The following ADAMTSL1 variants were observed in gnomAD, a reference collection of about 807,000 sequenced individuals.
The protein encoded by ADAMTSL1 is ADAMTS-like protein 1.
A neutral mutation model predicts 201.8 loss-of-function variants in ADAMTSL1; 126 were observed. The ratio of observed to expected loss-of-function variants is 0.62; its 90% CI spans 0.54 to 0.72. The LOEUF (loss-of-function observed/expected upper bound fraction) is 0.72, where lower values mean the gene tolerates loss of function less well. Among genes scored for constraint, ADAMTSL1 ranks in the 30% least tolerant of loss-of-function variants. ADAMTSL1 has a pLI of 0.00. For synonymous variants in ADAMTSL1, 1,121 were observed against 903.4 expected (o/e 1.24, Z -4.32); for missense variants, 2,679 against 2,277.8 (o/e 1.18, Z -3.59).
At chr9:18,562,730 C>G (rs907504499) in intron 3 of ADAMTSL1, among the ~76,000 whole-genome samples, 2 of 152,060 alleles carry the variant, frequency 1.3e-5, no homozygotes, top group Non-Finnish European at 2.9e-5. Context: ...ATTCTTTTTT[C>G]TCTAATCTTG....
chr9:18,113,031 A>G (rs1825097838), intron 1 of ADAMTSL1, among the ~76,000 whole-genome samples: 1 of 152,118 alleles, frequency 6.6e-6, no homozygotes, highest in Non-Finnish European at 1.5e-5. Context: ...ACTGGCTTTA[A>G]AAAAGGGAGT....
At chr9:18,389,597 A>C (rs1489693974) in intron 2 of ADAMTSL1, among the ~76,000 whole-genome samples, 1 of 152,172 alleles carries the variant, frequency 6.6e-6, no homozygotes, top group Non-Finnish European at 1.5e-5. Context: ...ATAGATCCTA[A>C]GTGTGGAGAG....
intron 2 of ADAMTSL1, among the ~76,000 whole-genome samples, chr9:18,235,520 G>A (rs796258273): frequency 1.3e-5 from 2 of 152,106 alleles, no homozygotes; most frequent in South Asian, 4.1e-4. Flanking sequence ...GAGCTGCCCT[G>A]CTATACCTAC....
intron 20 of ADAMTSL1, among the ~76,000 whole-genome samples, chr9:18,812,417 C>T (rs1049685868): frequency 1.3e-5 from 2 of 152,156 alleles, no homozygotes; most frequent in African/African-American, 4.8e-5. Context: ...TGACCTCTCA[C>T]ATCTTACATA....
In ADAMTSL1 at chr9:18,706,828, C is replaced by T; in HGVS notation, c.1656C>T (p.Leu552=). The part of the protein sequence containing the change: ...TQVRIVRCQV[L]LSFSQSVADL... ...TGCGAATAGTCAGGTGCCAGGTGCT[C>T]CTGTCTTTCTCTCAGTCCGTGGCTG... The change falls in exon 14 of 29, where the codon CTC becomes CTT. Residue 552 remains leucine (L), a synonymous_variant. Transcript: ENST00000380548. The T allele has an allele frequency of 1.2e-6, 2 of 1,611,750 alleles. No individual in the cohort carries two copies. The highest frequency in any genetic ancestry group is 1.7e-6 in the Non-Finnish European group (2 of 1,178,878).
chr9:18,092,897 C>A (rs7046806), intron 1 of ADAMTSL1, among the ~76,000 whole-genome samples: 3 of 152,126 alleles, frequency 2.0e-5, no homozygotes, highest in East Asian at 3.9e-4. Context: ...AAAAGGCAGA[C>A]TTCATTTACA....
At chr9:18,644,491 C>T (rs1394222980) in intron 7 of ADAMTSL1, among the ~76,000 whole-genome samples, 2 of 151,900 alleles carry the variant, frequency 1.3e-5, no homozygotes, top group Non-Finnish European at 2.9e-5. Context: ...CACCCATTAA[C>T]TTGTCATTTG....
At chr9:18,569,434 C>G (rs1413693316) in intron 3 of ADAMTSL1, among the ~76,000 whole-genome samples, 1 of 152,076 alleles carries the variant, frequency 6.6e-6, no homozygotes, top group African/African-American at 2.4e-5. Context: ...AGAAAATAGA[C>G]TTTTATAGTG....
At chr9:18,727,962 C>A (rs1817990451) in intron 15 of ADAMTSL1, among the ~76,000 whole-genome samples, 1 of 151,976 alleles carries the variant, frequency 6.6e-6, no homozygotes, top group African/African-American at 2.4e-5. Flanking sequence ...CCCCTGTAAC[C>A]CCAGCTACTC....
At chr9:18,745,652 A>G (rs1819099844) in intron 15 of ADAMTSL1, among the ~76,000 whole-genome samples, 2 of 152,180 alleles carry the variant, frequency 1.3e-5, no homozygotes, top group South Asian at 2.1e-4. Flanking sequence ...GAAATACTGT[A>G]CACATATATG....
intron 19 of ADAMTSL1, among the ~76,000 whole-genome samples, chr9:18,781,756 C>T (rs1345937329): frequency 6.6e-6 from 1 of 152,186 alleles, no homozygotes; most frequent in Non-Finnish European, 1.5e-5. Context: ...CAAGATTCAG[C>T]TGTGTGTTGG....
In ADAMTSL1 at chr9:18,680,351, TG is replaced by T. The variant is rs770166321; in HGVS notation, c.1184del (p.Gly395AlafsTer56). 15 of 1,612,556 alleles carry T rather than the reference TG, an allele frequency of 9.3e-6. No individual in the cohort carries two copies. Among genetic ancestry groups the T allele is most frequent in the Admixed American group, 3.3e-5 (2 of 59,900 alleles). On this transcript the variant is annotated frameshift_variant, in exon 11 of 29. Transcript: ENST00000380548. LOFTEE classifies it high-confidence loss of function. ...CATGGACCGCGTGCTCCTCCTCGTG[TG>T]GGGGGGGCATCCAGAGCCGGGCAGT... ...TPWTACSSSC[G>X]GGIQSRAVSC... is the part of the protein sequence containing the mutation.
rs1419522668 is a variant in ADAMTSL1 at position 17,960,583 on chromosome 9, CTCT to C, written c.87+53666_87+53668del. 5.3e-5 allele frequency among the ~76,000 whole-genome samples: 8 copies of C among 152,302 alleles called. No homozygotes were observed. In the East Asian group the frequency reaches 1.5e-3, roughly 29 times the overall value. On this transcript the variant is annotated intron_variant, in intron 1 of 29. Coordinates refer to the ADAMTSL1 transcript ENST00000680146. ...ATTCATTGTATAAATACCAATTGATCTCTTCTTTGTGCACACCACTGTACCCGG... is the reference window on the plus strand; with the variant it reads ...ATTCATTGTATAAATACCAATTGATCTCTTTGTGCACACCACTGTACCCGG...
intron 21 of ADAMTSL1, among the ~76,000 whole-genome samples, chr9:18,824,435 G>A (rs1338095593): frequency 6.6e-6 from 1 of 152,148 alleles, no homozygotes; most frequent in African/African-American, 2.4e-5. Context: ...ACAAGGCTGT[G>A]GTATCCAAGT....
chr9:18,260,379 C>T (rs1310598547), intron 2 of ADAMTSL1, among the ~76,000 whole-genome samples: 1 of 152,216 alleles, frequency 6.6e-6, no homozygotes, highest in African/African-American at 2.4e-5. Flanking sequence ...AAGATTATTG[C>T]CTTCTTTTTA....
At chr9:18,294,729 A>G (rs923350541) in intron 2 of ADAMTSL1, among the ~76,000 whole-genome samples, 5 of 152,118 alleles carry the variant, frequency 3.3e-5, no homozygotes, top group East Asian at 1.9e-4. Context: ...CATACCCCCA[A>G]GTTCTTCATT....
intron 2 of ADAMTSL1, among the ~76,000 whole-genome samples, chr9:18,363,682 A>C (rs1836629579): frequency 6.6e-6 from 1 of 152,218 alleles, no homozygotes; most frequent in Non-Finnish European, 1.5e-5. Flanking sequence ...ATATAAAGGC[A>C]ATAATACATA....
At position 18,861,809 on chromosome 9, in the gene ADAMTSL1, C is replaced by CGA. The variant is rs373601238; in HGVS notation, c.4250-26022_4250-26021insGA. Among the ~76,000 whole-genome samples the CGA allele has an allele frequency of 5.7e-3, 863 of 152,322 alleles. 12 individuals carry two copies. The highest frequency in any genetic ancestry group is 0.02 in the African/African-American group (818 of 41,568). On this transcript the variant is annotated intron_variant, in intron 23 of 28. Coordinates refer to ENST00000380548, the MANE Select transcript of ADAMTSL1 (RefSeq NM_001040272.6). ...ATCCCAGGAGCGAGCCAGCCAGATC[C>CGA]TTTCAGACACCTCTGTCCTTACTCC...
At chr9:18,069,758 C>G (rs1372120981) in intron 1 of ADAMTSL1, among the ~76,000 whole-genome samples, 19 of 152,036 alleles carry the variant, frequency 1.2e-4, no homozygotes, top group Admixed American at 1.2e-3. Context: ...TAGAATGAAG[C>G]CATAGTGTTG....
Sources: gnomAD v4.1 joint callset for allele counts (sites outside exome capture counted in the v4.1 genomes callset) on GRCh38, gnomAD v4.1.1 for gene constraint, MANE v1.5 for transcripts, NCBI Gene and HGNC (gene_info 2026-07-23, HGNC 2026-07-21) for gene names.